CNTLN: variants seen among roughly 807,000 people sequenced by gnomAD.
CNTLN encodes the protein centlein.
Under a neutral mutation model 180.0 loss-of-function variants are expected in CNTLN, and 212 were observed. That is an observed-to-expected ratio of 1.18 (90% CI 1.05 to 1.32). The LOEUF (loss-of-function observed/expected upper bound fraction) is 1.32. Ranked by LOEUF, CNTLN falls within the 40% of genes most tolerant of loss-of-function variation. The probability of loss-of-function intolerance (pLI) is 0.00; values close to 1 mark genes in which losing one functional copy is unlikely to be tolerated. For missense variants in CNTLN, 2,095 were observed against 1,610.9 expected (o/e 1.30, Z -5.14); for synonymous variants, 722 against 563.1 (o/e 1.28, Z -3.99).
chr9:17,415,318 T>C (rs1828143027), intron 16 of CNTLN, among the ~76,000 whole-genome samples: 1 of 152,190 alleles, frequency 6.6e-6, no homozygotes. Flanking sequence ...CAGCATATAA[T>C]AGAGTATTTG....
At chr9:17,265,384 A>G (rs887057851) in intron 5 of CNTLN, among the ~76,000 whole-genome samples, 1 of 152,192 alleles carries the variant, frequency 6.6e-6, no homozygotes, top group Non-Finnish European at 1.5e-5. Context: ...CATTCTAGGG[A>G]TGAAGCCCAC....
intron 2 of CNTLN, among the ~76,000 whole-genome samples, chr9:17,197,810 C>G (rs191739098): frequency 6.6e-6 from 1 of 152,280 alleles, no homozygotes; most frequent in East Asian, 1.9e-4. Flanking sequence ...AATCTTTGCT[C>G]AGTCCAGTGT....
intron 5 of CNTLN, among the ~76,000 whole-genome samples, chr9:17,261,137 T>C (rs929814291): frequency 1.3e-4 from 20 of 151,562 alleles, no homozygotes; most frequent in African/African-American, 4.9e-4. Flanking sequence ...TTCATTTTGC[T>C]TAGGATTGCT....
intron 3 of CNTLN, among the ~76,000 whole-genome samples, chr9:17,234,028 C>G (rs1390423652): frequency 6.6e-6 from 1 of 151,920 alleles, no homozygotes. Flanking sequence ...ACGTACAGGA[C>G]CTCTCCTTTT....
intron 8 of CNTLN, among the ~76,000 whole-genome samples, chr9:17,322,609 T>C (rs1368767499): frequency 1.3e-5 from 2 of 151,896 alleles, no homozygotes; most frequent in African/African-American, 4.9e-5. Context: ...TAAGAATGTT[T>C]AGTGATTTTT....
At chr9:17,270,810 C>T (rs1016982709) in intron 5 of CNTLN, among the ~76,000 whole-genome samples, 4 of 148,412 alleles carry the variant, frequency 2.7e-5, no homozygotes, top group African/African-American at 1.0e-4. Flanking sequence ...TCTATTTTTT[C>T]TTTTTTTGAA....
At chr9:17,141,252 C>G (rs1320192339) in intron 1 of CNTLN, among the ~76,000 whole-genome samples, 1 of 151,878 alleles carries the variant, frequency 6.6e-6, no homozygotes, top group Non-Finnish European at 1.5e-5. Flanking sequence ...AACCAAATCA[C>G]TAAACATACA....
At chr9:17,486,201 A>G (rs1832880247) in intron 24 of CNTLN, among the ~76,000 whole-genome samples, 1 of 152,162 alleles carries the variant, frequency 6.6e-6, no homozygotes, top group African/African-American at 2.4e-5. Context: ...CACCTGATTT[A>G]TGTTCTTTAC....
intron 8 of CNTLN, among the ~76,000 whole-genome samples, chr9:17,319,253 A>C (rs1265997448): frequency 6.6e-6 from 1 of 152,156 alleles, no homozygotes; most frequent in Non-Finnish European, 1.5e-5. Flanking sequence ...ACTTCTTGTA[A>C]TCTACATCCA....
intron 14 of CNTLN, among the ~76,000 whole-genome samples, chr9:17,390,922 T>C (rs1167951602): frequency 1.3e-5 from 2 of 152,170 alleles, no homozygotes; most frequent in Non-Finnish European, 2.9e-5. Flanking sequence ...TCAGTTGGTA[T>C]GTATATAGGG....
At chr9:17,483,903 A>G (rs1832769359) in intron 23 of CNTLN, among the ~76,000 whole-genome samples, 1 of 152,206 alleles carries the variant, frequency 6.6e-6, no homozygotes, top group Non-Finnish European at 1.5e-5. Context: ...TAAATGAATT[A>G]TGCAGCTAAC....
At chr9:17,267,522 G>C (rs1364191954) in intron 5 of CNTLN, among the ~76,000 whole-genome samples, 2 of 151,914 alleles carry the variant, frequency 1.3e-5, no homozygotes, top group Non-Finnish European at 2.9e-5. Flanking sequence ...GTGTCTTGGA[G>C]TTGCTCTTCT....
intron 14 of CNTLN, among the ~76,000 whole-genome samples, chr9:17,389,500 G>T (rs1169811831): frequency 2.0e-5 from 3 of 152,066 alleles, no homozygotes; most frequent in Non-Finnish European, 2.9e-5. Context: ...TGCTACAATA[G>T]TAGATCCAGA....
chr9:17,313,242 T>C (rs777528996), intron 8 of CNTLN, among the ~76,000 whole-genome samples: 3 of 152,196 alleles, frequency 2.0e-5, no homozygotes, highest in Non-Finnish European at 4.4e-5. Context: ...TCCTGTTGTT[T>C]ATAATCCATT....
chr9:17,278,843 C>G (rs1828480073), intron 6 of CNTLN, among the ~76,000 whole-genome samples: 1 of 152,066 alleles, frequency 6.6e-6, no homozygotes, highest in Non-Finnish European at 1.5e-5. Context: ...CTACATTTTT[C>G]TCAGTCCTGA....
At chr9:17,424,743 A>T (rs958518202) in intron 18 of CNTLN, among the ~76,000 whole-genome samples, 14 of 152,264 alleles carry the variant, frequency 9.2e-5, no homozygotes, top group African/African-American at 3.4e-4. Context: ...CCTATGATGG[A>T]ACTGGTAGCT....
intron 5 of CNTLN, among the ~76,000 whole-genome samples, chr9:17,248,328 G>T (rs1326078766): frequency 6.6e-6 from 1 of 151,912 alleles, no homozygotes; most frequent in Non-Finnish European, 1.5e-5. Context: ...TTCTTCAGAA[G>T]TTGGGTAGAA....
chr9:17,208,319 C>A (rs1269095851), intron 2 of CNTLN, among the ~76,000 whole-genome samples: 1 of 152,038 alleles, frequency 6.6e-6, no homozygotes, highest in African/African-American at 2.4e-5. Flanking sequence ...CAGGATAAAT[C>A]CCACTGTGTC....
intron 2 of CNTLN, among the ~76,000 whole-genome samples, chr9:17,194,044 G>A (rs531293939): frequency 2.6e-5 from 4 of 152,276 alleles, no homozygotes; most frequent in African/African-American, 7.2e-5. Context: ...AGAGCAGCTG[G>A]GACACAGGGC....
Sources: allele counts gnomAD v4.1 joint callset (sites outside exome capture counted in the v4.1 genomes callset), GRCh38; gene constraint gnomAD v4.1.1; transcripts MANE v1.5; gene names NCBI Gene and HGNC (gene_info 2026-07-23, HGNC 2026-07-21).